SLC11A2: variants seen among roughly 807,000 people sequenced by gnomAD.
SLC11A2 encodes solute carrier family 11 member 2, also known as natural resistance-associated macrophage protein 2.
A neutral mutation model predicts 68.0 loss-of-function variants in SLC11A2; 38 were observed. The observed-to-expected ratio is 0.56, with a 90% CI of 0.43 to 0.73. SLC11A2 has a LOEUF of 0.73. SLC11A2 is among the 30% of genes least tolerant of loss of function. SLC11A2 has a pLI of 0.00. For missense variants in SLC11A2, 517 were observed against 690.5 expected (o/e 0.75, Z 2.82); for synonymous variants, 242 against 250.6 (o/e 0.97, Z 0.32).
At chr12:50,954,018 G>A in the SLC11A2 span, 18 of 1,611,568 alleles carry the variant, frequency 1.1e-5, no homozygotes, top group East Asian at 3.8e-4. Flanking sequence ...GATAACCAGT[G>A]GTCAGCAGAT....
intron 15 of SLC11A2, chr12:50,990,532 C>T (rs369320397): frequency 9.8e-6 from 4 of 408,622 alleles, no homozygotes; most frequent in Non-Finnish European, 1.3e-5. Flanking sequence ...TACATTGTCT[C>T]GATCACCTGG....
chr12:50,981,874 T>TA (rs1405196440), downstream of SLC11A2: 11 of 819,034 alleles, frequency 1.3e-5, no homozygotes, highest in African/African-American at 1.6e-4. Context: ...TTTAAGTACC[T>TA]ATAATTAGCA....
intron 5 of SLC11A2, among the ~76,000 whole-genome samples, chr12:51,001,698 A>T (rs146069961): frequency 6.6e-6 from 1 of 151,940 alleles, no homozygotes; most frequent in African/African-American, 2.4e-5. Context: ...TCCAGGCATG[A>T]TGGCATACAC....
rs752898041 is a variant in SLC11A2 at position 50,992,885 on chromosome 12, A to C, written c.1122T>G (p.Ile374Met). ...CTGCAGCCAGGATCCCCACTGCCCAAATGTAGAGTGCAGCAGGCCCAAAGT... is the reference window on the plus strand; with the variant it reads ...CTGCAGCCAGGATCCCCACTGCCCACATGTAGAGTGCAGCAGGCCCAAAGT... Reference protein sequence around the residue: ...GCYFGPAALYIWAVGILAAGQ... With the variant: ...GCYFGPAALYMWAVGILAAGQ... The change falls in exon 12 of 16, where the codon ATT becomes ATG. Residue 374 changes from isoleucine (I) to methionine (M), a missense_variant. Coordinates refer to ENST00000262052, the MANE Select transcript of SLC11A2 (RefSeq NM_000617.3). 6.2e-7 allele frequency: 1 copy of C among 1,614,020 alleles called. No individual in the cohort carries two copies. The highest frequency in any genetic ancestry group is 1.1e-5 in the South Asian group (1 of 91,070).
chr12:50,958,975 C>T, the SLC11A2 span, among the ~76,000 whole-genome samples: 99 of 151,290 alleles, frequency 6.5e-4, no homozygotes, highest in African/African-American at 2.2e-3. Context: ...TGAGATTGTA[C>T]CACTTCACTG....
chr12:50,988,246 T>C lies in SLC11A2; in HGVS notation c.*79A>G, dbSNP rs1266669681. On this transcript the variant is annotated 3_prime_UTR_variant, in exon 16 of 16. Coordinates refer to ENST00000262052, the MANE Select transcript of SLC11A2 (RefSeq NM_000617.3). ...ACACAGTCTGTGCAACGGCACATAC[T>C]TTTGGCTATGTTCACACAGTAAACC... is the stretch of plus-strand genomic sequence containing the variant. 1 of 1,607,588 alleles carries C rather than the reference T, an allele frequency of 6.2e-7. No individual in the cohort carries two copies. The highest frequency in any genetic ancestry group is 8.5e-7 in the Non-Finnish European group (1 of 1,177,000).
intron 2 of SLC11A2, chr12:51,009,378 A>G (rs986185967): frequency 9.5e-7 from 1 of 1,058,028 alleles, no homozygotes; most frequent in African/African-American, 1.6e-5. Context: ...AAATATTGGG[A>G]AGCAGAAGGT....
At chr12:50,965,934 C>G in the SLC11A2 span, among the ~76,000 whole-genome samples, 1 of 152,112 alleles carries the variant, frequency 6.6e-6, no homozygotes, top group Non-Finnish European at 1.5e-5. Context: ...GTCAAGGAGC[C>G]CTGGCTCTTT....
At chr12:50,964,569 AGATTAT>A in the SLC11A2 span, among the ~76,000 whole-genome samples, 4 of 152,248 alleles carry the variant, frequency 2.6e-5, no homozygotes, top group African/African-American at 9.6e-5. Flanking sequence ...CCTGCAGACT[AGATTAT>A]GACATACGGC....
At chr12:50,999,621 A>G in intron 6 of SLC11A2, 1 of 594,634 alleles carries the variant, frequency 1.7e-6, no homozygotes, top group South Asian at 2.0e-5. Context: ...TTGAGAGTCT[A>G]CTATGTCACT....
At chr12:50,965,418 C>T in the SLC11A2 span, among the ~76,000 whole-genome samples, 1 of 152,028 alleles carries the variant, frequency 6.6e-6, no homozygotes, top group Non-Finnish European at 1.5e-5. Context: ...CCACCGTGCC[C>T]AGCCACTGGT....
In SLC11A2 at chr12:51,004,645, T is replaced by G. The variant is rs918330431; in HGVS notation, c.429+143A>C. ...CCTGGCAGCAGGAGGAGCTACAGTA[T>G]TTCCGTTGGTACCGTCTGTCTTCAG... On this transcript the variant is annotated intron_variant, in intron 5 of 15. Transcript: ENST00000262052. 3.5e-5 allele frequency: 28 copies of G among 810,680 alleles called. No individual in the cohort carries two copies. The East Asian group carries it at 7.7e-4, about 22-fold the overall frequency. 50.2% of individuals were successfully genotyped at this position (810,680 alleles called of 1,614,324 possible). A position where few individuals can be genotyped will look rare whatever the true frequency, so the allele number is the denominator to read the frequency against.
At chr12:50,981,811 A>G (rs186118117), downstream of SLC11A2, 114 of 1,495,830 alleles carry the variant, frequency 7.6e-5, 1 homozygote, top group East Asian at 1.4e-3. Flanking sequence ...GCACTAAGGA[A>G]AAAAAGATGG....
At position 51,005,330 on chromosome 12, in the gene SLC11A2, C is replaced by G. The variant is rs138686455; in HGVS notation, c.290G>C (p.Gly97Ala). 72 of 1,613,828 alleles carry G rather than the reference C, an allele frequency of 4.5e-5. No individual in the cohort carries two copies. Among genetic ancestry groups the G allele is most frequent in the Non-Finnish European group, 5.9e-5 (70 of 1,179,906 alleles). ...GTTCACCTTAAATCCAGCCACTGCT[C>G]CAGACTGCAAATCGGATTCAATATT... is the stretch of plus-strand genomic sequence containing the variant. Reference protein sequence around the residue: ...PGNIESDLQSGAVAGFKLLWI... With the variant: ...PGNIESDLQSAAVAGFKLLWI... Residue 97 changes from glycine (G) to alanine (A), a missense_variant, in exon 4 of 16, where the codon GGA becomes GCA. Transcript: ENST00000262052.
chr12:51,026,130 G>C (rs1944367984), intron 1 of SLC11A2, 180 bp downstream of exon 1: 1 of 1,145,120 alleles, frequency 8.7e-7, no homozygotes, highest in Non-Finnish European at 1.1e-6. Context: ...GACTCCATCA[G>C]TCCTGGACTC....
At position 50,988,338 on chromosome 12, in the gene SLC11A2, C is replaced by G. The variant is rs1448805972; in HGVS notation, c.1673G>C (p.Gly558Ala). ...ACTAATCCAGTGTTATTTAACGTAG[C>G]CACGGGTGGCTTCTTCTGTCAGCAG... is the stretch of plus-strand genomic sequence containing the variant. ...KGLLTEEATR[G>A]YVK is the part of the protein sequence containing the mutation. Residue 558 changes from glycine to alanine, a missense_variant, in exon 16 of 16, where the codon GGC becomes GCC. Gly to Ala is a moderately conservative substitution (Grantham distance 60). Coordinates refer to ENST00000262052, the MANE Select transcript of SLC11A2 (RefSeq NM_000617.3). The G allele has an allele frequency of 6.2e-7, 1 of 1,613,992 alleles. No individual in the cohort carries two copies. Among genetic ancestry groups the G allele is most frequent in the Non-Finnish European group, 8.5e-7 (1 of 1,179,878 alleles).
rs886049561 is a variant in SLC11A2, at chr12:50,987,339, G to T, written c.*986C>A. On this transcript the variant is annotated 3_prime_UTR_variant, in exon 16 of 16. Coordinates refer to ENST00000262052, the MANE Select transcript of SLC11A2 (RefSeq NM_000617.3). ...GAGATTGCCTCGCAAGTCATCTTGG[G>T]CATGAAGCAGAGCGGTGCATCAGAA... 7 of 1,287,116 alleles carry T rather than the reference G, an allele frequency of 5.4e-6. No individual in the cohort carries two copies. Among genetic ancestry groups the T allele is most frequent in the Non-Finnish European group, 7.1e-6 (7 of 988,700 alleles). 79.7% of individuals were successfully genotyped at this position (1,287,116 alleles called of 1,614,324 possible).
chr12:51,020,482 CCTCTA>C (rs1943967159), intron 1 of SLC11A2, among the ~76,000 whole-genome samples: 1 of 152,120 alleles, frequency 6.6e-6, no homozygotes, highest in Admixed American at 6.5e-5. Flanking sequence ...ACTCTAATCC[CCTCTA>C]CTCAAGTGGG....
the SLC11A2 span, chr12:50,970,297 T>G: frequency 1.5e-6 from 1 of 646,932 alleles, no homozygotes; most frequent in Admixed American, 3.2e-5. Flanking sequence ...ACTTGTATGA[T>G]CCAAACCAAA....
Sources: gnomAD v4.1 joint callset for allele counts (sites outside exome capture counted in the v4.1 genomes callset) on GRCh38, gnomAD v4.1.1 for gene constraint, MANE v1.5 for transcripts, NCBI Gene and HGNC (gene_info 2026-07-23, HGNC 2026-07-21) for gene names.